The following CPNE4 variants were observed in gnomAD, a reference collection of about 807,000 sequenced individuals.
The protein encoded by CPNE4 is copine-4.
CPNE4 carries 25 observed loss-of-function variants against 67.9 expected under a neutral mutation model. The observed-to-expected ratio is 0.37, with a 90% CI of 0.27 to 0.51. CPNE4 has a LOEUF of 0.51. CPNE4 is among the 20% of genes least tolerant of loss of function. CPNE4 has a pLI of 0.93. For missense variants in CPNE4, 464 were observed against 690.8 expected, an observed-to-expected ratio of 0.67 and a Z score of 3.68; for synonymous variants, 242 against 244.9, an observed-to-expected ratio of 0.99 and a Z score of 0.11.
Position 131,990,812 on chromosome 3 carries a change from T to A in CPNE4, c.-2+43755A>T, listed in dbSNP as rs1456599553. ...GTCCCCACCCAAATCTCATCTTGAA[T>A]TATAATTCCCATAATCCCCATGTGT... On this transcript the variant is annotated intron_variant, in intron 1 of 15. Coordinates refer to ENST00000429747, the MANE Select transcript of CPNE4 (RefSeq NM_130808.3). Among the ~76,000 whole-genome samples, 3 of 135,858 alleles carry A rather than the reference T, an allele frequency of 2.2e-5. 1 individual carries two copies. Among genetic ancestry groups the A allele is most frequent in the Non-Finnish European group, 5.0e-5 (3 of 59,868 alleles). The allele number at this position is 135,858 out of a possible 152,430, so 89.1% of individuals were successfully genotyped here.
chr3:131,770,071 G>A (rs2083127571), intron 2 of CPNE4, among the ~76,000 whole-genome samples: 1 of 152,072 alleles, frequency 6.6e-6, no homozygotes, highest in Non-Finnish European at 1.5e-5. Context: ...CCATATATAG[G>A]AGTTTTTGTG....
chr3:131,760,833 C>T (rs2082867727), intron 2 of CPNE4, among the ~76,000 whole-genome samples: 1 of 152,094 alleles, frequency 6.6e-6, no homozygotes, highest in Admixed American at 6.6e-5. Flanking sequence ...AATGAGATGA[C>T]CAGTTCTATC....
At chr3:132,008,997 A>G (rs576176670) in intron 1 of CPNE4, among the ~76,000 whole-genome samples, 1 of 152,184 alleles carries the variant, frequency 6.6e-6, no homozygotes, top group African/African-American at 2.4e-5. Flanking sequence ...ATTTTGGCCT[A>G]TAACTCTCAA....
At chr3:131,943,916 G>A (rs2071473617) in intron 1 of CPNE4, among the ~76,000 whole-genome samples, 1 of 152,078 alleles carries the variant, frequency 6.6e-6, no homozygotes. Flanking sequence ...AAGTTTTTCT[G>A]AGGGCCTCAG....
chr3:131,547,614 T>TTAC (rs1444309397), intron 14 of CPNE4, among the ~76,000 whole-genome samples: 5 of 151,986 alleles, frequency 3.3e-5, no homozygotes, highest in African/African-American at 4.8e-5. Flanking sequence ...ATCCTCAGCA[T>TTAC]TACTGCTGGA....
chr3:131,560,241 A>C (rs1229438844), intron 11 of CPNE4, among the ~76,000 whole-genome samples: 2 of 152,038 alleles, frequency 1.3e-5, no homozygotes, highest in Admixed American at 1.3e-4. Context: ...TTCAATTTAC[A>C]ATGAAGAAAA....
At chr3:131,758,975 G>A (rs977872004) in intron 2 of CPNE4, among the ~76,000 whole-genome samples, 10 of 152,138 alleles carry the variant, frequency 6.6e-5, no homozygotes, top group South Asian at 6.2e-4. Flanking sequence ...TTTCTTCCCC[G>A]TGTCAGGTAT....
intron 3 of CPNE4, among the ~76,000 whole-genome samples, chr3:131,720,144 C>T (rs2081842748): frequency 6.6e-6 from 1 of 152,020 alleles, no homozygotes; most frequent in South Asian, 2.1e-4. Context: ...CTTGAGTGCC[C>T]ATCACTGACT....
chr3:131,995,003 A>G (rs1018691132), intron 1 of CPNE4, among the ~76,000 whole-genome samples: 1 of 152,088 alleles, frequency 6.6e-6, no homozygotes, highest in Admixed American at 6.5e-5. Context: ...AGGAGGTAAC[A>G]TAAAGGGTCT....
At chr3:131,909,801 T>C (rs1424094093) in intron 1 of CPNE4, among the ~76,000 whole-genome samples, 1 of 152,148 alleles carries the variant, frequency 6.6e-6, no homozygotes, top group African/African-American at 2.4e-5. Flanking sequence ...ATATTCTATA[T>C]CAAGTGTATG....
At chr3:131,608,482 A>G (rs762275515) in intron 7 of CPNE4, among the ~76,000 whole-genome samples, 7 of 152,128 alleles carry the variant, frequency 4.6e-5, no homozygotes, top group Non-Finnish European at 8.8e-5. Flanking sequence ...TTCTAGGTAC[A>G]AGGAGCAGCA....
chr3:131,698,744 T>C (rs142944932), intron 4 of CPNE4, among the ~76,000 whole-genome samples: 12,119 of 151,548 alleles, frequency 0.08, 649 homozygotes, highest in Non-Finnish European at 0.11. Flanking sequence ...ACTCCATCTC[T>C]ACTAAAAATA....
chr3:132,008,431 A>C (rs755488827), intron 1 of CPNE4, among the ~76,000 whole-genome samples: 2 of 152,200 alleles, frequency 1.3e-5, no homozygotes, highest in African/African-American at 2.4e-5. Context: ...CAATGCCATA[A>C]TATAGCTATT....
chr3:131,863,958 A>G (rs530150364), intron 2 of CPNE4, among the ~76,000 whole-genome samples: 2 of 152,348 alleles, frequency 1.3e-5, no homozygotes, highest in African/African-American at 4.8e-5. Flanking sequence ...TTTATTAAAT[A>G]GGGAATCCTT....
In CPNE4 at chr3:131,708,957, G is replaced by GATATATATATATATATAT. The variant is rs202119937; in HGVS notation, c.361-8995_361-8978dup. Among the ~76,000 whole-genome samples the GATATATATATATATATAT allele has an allele frequency of 8.3e-3, 543 of 65,626 alleles. 36 individuals carry two copies. Among genetic ancestry groups the GATATATATATATATATAT allele is most frequent in the Non-Finnish European group, 0.01 (324 of 31,294 alleles). The allele number at this position is 65,626 out of a possible 152,430, so 43.1% of individuals were successfully genotyped here. ...AAAAATCAGTGTCTGAGGGCATAAA[G>GATATATATATATATATAT]ATATATATATATATATATATATATA... is the stretch of plus-strand genomic sequence containing the variant. On this transcript the variant is annotated intron_variant, in intron 3 of 15. Transcript: ENST00000429747.
intron 1 of CPNE4, among the ~76,000 whole-genome samples, chr3:132,021,884 A>G (rs538686401): frequency 2.6e-4 from 40 of 152,322 alleles, no homozygotes; most frequent in African/African-American, 8.7e-4. Context: ...CGGATTCACA[A>G]ATAGAACTGT....
intron 11 of CPNE4, among the ~76,000 whole-genome samples, chr3:131,563,725 G>A (rs1490169721): frequency 6.6e-6 from 1 of 152,032 alleles, no homozygotes; most frequent in South Asian, 2.1e-4. Flanking sequence ...CTACGTGATA[G>A]TGTACAAATT....
At chr3:131,920,367 G>T (rs2107807252) in intron 1 of CPNE4, among the ~76,000 whole-genome samples, 1 of 152,130 alleles carries the variant, frequency 6.6e-6, no homozygotes, top group South Asian at 2.1e-4. Flanking sequence ...ACCTTTGTTA[G>T]TCACTCCTTA....
intron 1 of CPNE4, among the ~76,000 whole-genome samples, chr3:131,963,802 G>T (rs979066940): frequency 2.0e-5 from 3 of 152,168 alleles, no homozygotes; most frequent in African/African-American, 7.2e-5. Context: ...GCAGCTGTTG[G>T]CACTACGGCA....
Sources: allele counts gnomAD v4.1 joint callset (sites outside exome capture counted in the v4.1 genomes callset), GRCh38; gene constraint gnomAD v4.1.1; transcripts MANE v1.5; gene names NCBI Gene and HGNC (gene_info 2026-07-23, HGNC 2026-07-21).